The following MMS19 variants were observed in gnomAD, a reference collection of about 807,000 sequenced individuals.
MMS19 encodes the protein MMS19 nucleotide excision repair protein homolog.
Under a neutral mutation model 129.8 loss-of-function variants are expected in MMS19, and 77 were observed. The observed-to-expected ratio is 0.59, with a 90% CI of 0.49 to 0.72. The LOEUF (loss-of-function observed/expected upper bound fraction) is 0.72, where lower values mean the gene tolerates loss of function less well. Ranked by LOEUF, MMS19 falls within the 30% of genes least tolerant of loss-of-function variation. MMS19 has a pLI of 0.00. For synonymous variants in MMS19, 491 were observed against 502.8 expected (o/e 0.98, Z 0.31); for missense variants, 1,168 against 1,266.3 (o/e 0.92, Z 1.18).
intron 8 of MMS19, among the ~76,000 whole-genome samples, chr10:97,474,549 A>G (rs867022773): frequency 7.2e-6 from 1 of 138,946 alleles, no homozygotes. Flanking sequence ...CCCTGTCTGA[A>G]AAACAAAACA....
chr10:97,486,879 AT>A (rs1330454776), intron 1 of MMS19, among the ~76,000 whole-genome samples: 1 of 74,866 alleles, frequency 1.3e-5, no homozygotes, highest in Non-Finnish European at 2.8e-5. Context: ...ATATATATAT[AT>A]ATATATATAT....
At chr10:97,495,589 T>C (rs111908244) in intron 1 of MMS19, among the ~76,000 whole-genome samples, 2 of 152,236 alleles carry the variant, frequency 1.3e-5, no homozygotes, top group African/African-American at 2.4e-5. Flanking sequence ...TGATCTAAGA[T>C]TGACAATATT....
At chr10:97,459,826 G>T in intron 26 of MMS19, 85 bp from the exon 27 acceptor site, 1 of 1,150,318 alleles carries the variant, frequency 8.7e-7, no homozygotes, top group Non-Finnish European at 1.3e-6. Context: ...GTGAGGCTGA[G>T]ACATCAGCCT....
chr10:97,458,794 A>T lies in MMS19; in HGVS notation c.3065+6T>A. ...TCCCATCTCTCCCCACGACCTAGAA[A>T]CTCACCACTCCCCTCTGGCTGACAC... On this transcript the variant is annotated splice_donor_region_variant and intron_variant, in intron 30 of 30. Coordinates refer to ENST00000438925, the MANE Select transcript of MMS19 (RefSeq NM_022362.5). The T allele has an allele frequency of 6.2e-7, 1 of 1,613,402 alleles. No individual in the cohort carries two copies. The highest frequency in any genetic ancestry group is 8.5e-7 in the Non-Finnish European group (1 of 1,179,756).
chr10:97,487,463 C>G (rs942386955), intron 1 of MMS19, among the ~76,000 whole-genome samples: 1 of 151,902 alleles, frequency 6.6e-6, no homozygotes, highest in Non-Finnish European at 1.5e-5. Context: ...GGACTACAGG[C>G]GCCCACCACC....
intron 1 of MMS19, among the ~76,000 whole-genome samples, chr10:97,487,664 T>C (rs1488820733): frequency 6.6e-6 from 1 of 152,046 alleles, no homozygotes; most frequent in Non-Finnish European, 1.5e-5. Flanking sequence ...TCAGAAGCCC[T>C]AAAAGATTGG....
chr10:97,498,403 T>C lies in MMS19; in HGVS notation c.-19A>G. On this transcript the variant is annotated 5_prime_UTR_variant, in exon 1 of 31. Transcript: ENST00000438925. ...CGGCCATAACGCGAACTAGAGACCG[T>C]GGGAGGGGATATGGGCGGTGGCTCG... 6.3e-7 allele frequency: 1 copy of C among 1,576,818 alleles called. No individual in the cohort carries two copies. Among genetic ancestry groups the C allele is most frequent in the South Asian group, 1.1e-5 (1 of 87,630 alleles).
At chr10:97,467,128 G>A (rs1205582129) in intron 14 of MMS19, among the ~76,000 whole-genome samples, 1 of 152,120 alleles carries the variant, frequency 6.6e-6, no homozygotes, top group Non-Finnish European at 1.5e-5. Flanking sequence ...ACAGGCATGT[G>A]CCAACAGGCC....
In MMS19 at chr10:97,463,960, G is replaced by T. The variant is rs1364602931; in HGVS notation, c.1810C>A (p.Gln604Lys). 6.2e-7 allele frequency: 1 copy of T among 1,613,240 alleles called. No homozygotes were observed. The highest frequency in any genetic ancestry group is 1.7e-5 in the Admixed American group (1 of 59,892). The stretch of plus-strand genomic sequence containing the variant: ...TCCTGCTGACATTTTTCTGCCATCT[G>T]TCTGAGGCTCTGACAGACAGCAATA... ...DVIAVCQSLR[Q>K]MAEKCQQDPE... The change falls in exon 19 of 31, where the codon CAG (glutamine) becomes AAG (lysine). Residue 604 changes from glutamine to lysine, a missense_variant. This residue lies in a region of MMS19 where 831 missense variants were observed against 910.8 expected (regional missense o/e 0.91). Transcript: ENST00000438925.
chr10:97,478,440 A>G (rs558315796), intron 3 of MMS19, 51 bp from the exon 4 acceptor site: 9 of 1,349,048 alleles, frequency 6.7e-6, no homozygotes, highest in Non-Finnish European at 8.3e-6. Context: ...AGAAGGGCCC[A>G]AGAGCTTTGT....
intron 23 of MMS19, 85 bp from the exon 24 acceptor site, chr10:97,461,092 T>A: frequency 1.8e-6 from 2 of 1,113,614 alleles, no homozygotes; most frequent in Non-Finnish European, 2.6e-6. Context: ...AGTGCAGAGC[T>A]CCCTGAGAAG....
chr10:97,460,839 CAG>C (rs1564617285), intron 24 of MMS19, 66 bp downstream of exon 24: 20 of 1,529,814 alleles, frequency 1.3e-5, no homozygotes, highest in Non-Finnish European at 1.8e-5. Context: ...TAGGGTCAAA[CAG>C]GGACATTTTA....
intron 9 of MMS19, 37 bp from the exon 10 acceptor site, chr10:97,470,240 G>A (rs2034403394): frequency 1.4e-6 from 2 of 1,462,442 alleles, no homozygotes; most frequent in African/African-American, 1.4e-5. Flanking sequence ...CCTGAGATGG[G>A]TGGTGTGTCA....
chr10:97,489,610 G>A (rs1043434366), intron 1 of MMS19, among the ~76,000 whole-genome samples: 8 of 152,214 alleles, frequency 5.3e-5, no homozygotes, highest in African/African-American at 1.9e-4. Flanking sequence ...GATTTCAATA[G>A]TTTCTCCACT....
At chr10:97,475,699 T>C (rs925852469) in intron 8 of MMS19, among the ~76,000 whole-genome samples, 1 of 152,080 alleles carries the variant, frequency 6.6e-6, no homozygotes, top group African/African-American at 2.4e-5. Flanking sequence ...ATCGCACCAC[T>C]GCACTCCAGC....
At chr10:97,473,041 A>T (rs1168961540) in intron 8 of MMS19, among the ~76,000 whole-genome samples, 2 of 144,936 alleles carry the variant, frequency 1.4e-5, no homozygotes, top group African/African-American at 5.1e-5. Flanking sequence ...CTTTTTATTT[A>T]TTTTTTTTTT....
Position 97,459,235 on chromosome 10 carries a change from C to T in MMS19, c.2952G>A (p.Leu984=). 1 of 1,612,054 alleles carries T rather than the reference C, an allele frequency of 6.2e-7. No individual in the cohort carries two copies. Among genetic ancestry groups the T allele is most frequent in the Non-Finnish European group, 8.5e-7 (1 of 1,179,218 alleles). The change falls in exon 29 of 31, where the codon CTG becomes CTA. Residue 984 remains leucine (L), a synonymous_variant. Coordinates refer to ENST00000438925, the MANE Select transcript of MMS19 (RefSeq NM_022362.5). ...CTGAGGTACTTACCACAGGGGTGGGCAGGCGAGTGAGAGCATGCATGCACT... is the reference window on the plus strand; with the variant it reads ...CTGAGGTACTTACCACAGGGGTGGGTAGGCGAGTGAGAGCATGCATGCACT... ...ALQCMHALTR[L]PTPVLLPYKP... is the part of the protein sequence containing the mutation.
intron 1 of MMS19, among the ~76,000 whole-genome samples, chr10:97,487,064 A>T (rs533399392): frequency 6.6e-6 from 1 of 151,582 alleles, no homozygotes; most frequent in Admixed American, 6.6e-5. Flanking sequence ...AATTTTCCAT[A>T]ATAAAAATAA....
chr10:97,498,787 C>T (rs1410058795), upstream of MMS19: 2 of 266,064 alleles, frequency 7.5e-6, no homozygotes, highest in South Asian at 7.3e-5. Context: ...GGCGGCGGCG[C>T]GGGCACCGCG....
Sources: gnomAD v4.1 joint callset for allele counts (sites outside exome capture counted in the v4.1 genomes callset) on GRCh38, gnomAD v4.1.1 for gene constraint, gnomAD v4.1.1 regional missense constraint, MANE v1.5 for transcripts, NCBI Gene and HGNC (gene_info 2026-07-23, HGNC 2026-07-21) for gene names.